The following TSPAN5 variants were observed in gnomAD, a reference collection of about 807,000 sequenced individuals.
TSPAN5 encodes tetraspanin-5.
In TSPAN5, 10 loss-of-function variants were observed where a neutral mutation model predicts 37.1. That is an observed-to-expected ratio of 0.27 (90% CI 0.17 to 0.46). The LOEUF (loss-of-function observed/expected upper bound fraction) is 0.46. Among genes scored for constraint, TSPAN5 ranks in the 20% least tolerant of loss-of-function variants. The pLI, the probability that TSPAN5 is intolerant of heterozygous loss-of-function variation, is 1.00. For missense variants in TSPAN5, 195 were observed against 326.6 expected, an observed-to-expected ratio of 0.60 and a Z score of 3.11; for synonymous variants, 110 against 118.9, an observed-to-expected ratio of 0.93 and a Z score of 0.48.
intron 1 of TSPAN5, among the ~76,000 whole-genome samples, chr4:98,604,879 T>C (rs1202066901): frequency 6.6e-6 from 1 of 152,356 alleles, no homozygotes; most frequent in South Asian, 2.1e-4. Context: ...GGAGATGTTA[T>C]GCAGCTTGCT....
intron 1 of TSPAN5, among the ~76,000 whole-genome samples, chr4:98,606,476 C>T (rs1407217528): frequency 6.6e-6 from 1 of 152,158 alleles, no homozygotes; most frequent in African/African-American, 2.4e-5. Context: ...AATGGATATA[C>T]AGGTAGATAA....
At chr4:98,599,668 G>A (rs1416593635) in intron 1 of TSPAN5, among the ~76,000 whole-genome samples, 3 of 152,144 alleles carry the variant, frequency 2.0e-5, no homozygotes, top group Non-Finnish European at 4.4e-5. Flanking sequence ...AACTTCATAT[G>A]AATGAACATT....
intron 3 of TSPAN5, chr4:98,483,999 T>A: frequency 5.5e-6 from 1 of 182,802 alleles, no homozygotes; most frequent in Admixed American, 5.4e-5. Context: ...ATAGCTAGCA[T>A]GCATGAGCAT....
At chr4:98,623,720 C>A (rs139381472) in intron 1 of TSPAN5, among the ~76,000 whole-genome samples, 1 of 152,256 alleles carries the variant, frequency 6.6e-6, no homozygotes, top group African/African-American at 2.4e-5. Flanking sequence ...TTTTGAGATA[C>A]AACCCATCCC....
intron 2 of TSPAN5, among the ~76,000 whole-genome samples, chr4:98,490,543 A>C (rs1462765213): frequency 6.6e-6 from 1 of 152,202 alleles, no homozygotes; most frequent in Non-Finnish European, 1.5e-5. Flanking sequence ...TCTGGCAAAG[A>C]TAGAGCTGCA....
intron 1 of TSPAN5, among the ~76,000 whole-genome samples, chr4:98,592,394 C>T (rs1321690745): frequency 1.3e-5 from 2 of 148,468 alleles, no homozygotes; most frequent in South Asian, 2.2e-4. Context: ...TCAGAAAGGG[C>T]CTGGTTTACC....
At chr4:98,614,626 T>C (rs1214135290) in intron 1 of TSPAN5, among the ~76,000 whole-genome samples, 2 of 152,208 alleles carry the variant, frequency 1.3e-5, no homozygotes, top group Non-Finnish European at 2.9e-5. Context: ...TTAACGCCTA[T>C]ATTGAACAAA....
intron 2 of TSPAN5, among the ~76,000 whole-genome samples, chr4:98,503,279 G>A (rs917907001): frequency 2.0e-5 from 3 of 152,018 alleles, no homozygotes; most frequent in Non-Finnish European, 4.4e-5. Flanking sequence ...GAGAAAGGAC[G>A]CAATCCAGCC....
chr4:98,637,022 C>T (rs1756870669), intron 1 of TSPAN5, among the ~76,000 whole-genome samples: 1 of 152,140 alleles, frequency 6.6e-6, no homozygotes, highest in Non-Finnish European at 1.5e-5. Context: ...GAACCCTCCC[C>T]CTTGGTAGGG....
At chr4:98,646,195 T>C (rs527323197) in intron 1 of TSPAN5, among the ~76,000 whole-genome samples, 1 of 152,092 alleles carries the variant, frequency 6.6e-6, no homozygotes, top group Non-Finnish European at 1.5e-5. Context: ...GATTAGTCAA[T>C]GATCCAGGTA....
chr4:98,584,390 T>C (rs189491903), intron 1 of TSPAN5, among the ~76,000 whole-genome samples: 16 of 152,344 alleles, frequency 1.1e-4, no homozygotes, highest in Admixed American at 4.6e-4. Context: ...TATGCCTAAG[T>C]ATTACTGAGG....
chr4:98,499,430 G>C (rs1225200222), intron 2 of TSPAN5, among the ~76,000 whole-genome samples: 5 of 152,198 alleles, frequency 3.3e-5, no homozygotes, highest in African/African-American at 1.2e-4. Flanking sequence ...CTCAAAGTGA[G>C]AGAAGGACTG....
At chr4:98,592,733 C>T (rs1755678498) in intron 1 of TSPAN5, among the ~76,000 whole-genome samples, 1 of 150,592 alleles carries the variant, frequency 6.6e-6, no homozygotes, top group Non-Finnish European at 1.5e-5. Flanking sequence ...TGATGGTTTC[C>T]AATTTCATCC....
chr4:98,552,794 A>C (rs1309526322), intron 1 of TSPAN5, among the ~76,000 whole-genome samples: 1 of 152,216 alleles, frequency 6.6e-6, no homozygotes, highest in African/African-American at 2.4e-5. Context: ...GTCCAAGAGA[A>C]AGCAAAGGCA....
At chr4:98,504,449 C>T (rs967051755) in intron 2 of TSPAN5, among the ~76,000 whole-genome samples, 1 of 152,216 alleles carries the variant, frequency 6.6e-6, no homozygotes, top group Admixed American at 6.5e-5. Flanking sequence ...ACTTCACATC[C>T]TCCTCAAGAG....
intron 1 of TSPAN5, among the ~76,000 whole-genome samples, chr4:98,613,194 G>T (rs1756242813): frequency 6.7e-6 from 1 of 150,210 alleles, no homozygotes; most frequent in African/African-American, 2.5e-5. Context: ...CCTTTTGAGA[G>T]AAGTACTAAC....
intron 2 of TSPAN5, among the ~76,000 whole-genome samples, chr4:98,500,829 G>C (rs1753330721): frequency 6.6e-6 from 1 of 152,308 alleles, no homozygotes; most frequent in Non-Finnish European, 1.5e-5. Context: ...GCAAAGACAG[G>C]CTCCTGTCCT....
intron 1 of TSPAN5, among the ~76,000 whole-genome samples, chr4:98,639,709 AG>A (rs1202998657): frequency 6.6e-6 from 1 of 152,164 alleles, no homozygotes; most frequent in Non-Finnish European, 1.5e-5. Context: ...GACCCAACCC[AG>A]CTTTTGCTTC....
chr4:98,634,489 G>T (rs974419648), intron 1 of TSPAN5, among the ~76,000 whole-genome samples: 2 of 152,090 alleles, frequency 1.3e-5, no homozygotes, highest in African/African-American at 4.8e-5. Context: ...TTCCCCTTTT[G>T]GGGTAAATGT....
Sources: gnomAD v4.1 joint callset for allele counts (sites outside exome capture counted in the v4.1 genomes callset) on GRCh38, gnomAD v4.1.1 for gene constraint, MANE v1.5 for transcripts, NCBI Gene and HGNC (gene_info 2026-07-23, HGNC 2026-07-21) for gene names.